The following LCT variants were observed in gnomAD, a reference collection of about 807,000 sequenced individuals.
The protein encoded by LCT is lactase/phlorizin hydrolase.
A neutral mutation model predicts 173.0 loss-of-function variants in LCT; 90 were observed. The observed-to-expected ratio is 0.52, with a 90% CI of 0.44 to 0.62. The LOEUF (loss-of-function observed/expected upper bound fraction) is 0.62. LCT is among the 20% of genes least tolerant of loss of function. The pLI is 0.00. For synonymous variants in LCT, 853 were observed against 957.6 expected (o/e 0.89, Z 2.02); for missense variants, 1,864 against 2,431.4 (o/e 0.77, Z 4.91).
rs138911236 is a variant in LCT at position 135,809,641 on chromosome 2, C to T, written c.2706G>A (p.Thr902=). 2.6e-4 allele frequency: 424 copies of T among 1,614,232 alleles called. 1 individual carries two copies. In the African/African-American group the frequency reaches 4.0e-3, roughly 15 times the overall value. Reference sequence around the variant, plus strand: ...CGCCCCACAGAAAGTCATCCCGAAACGTCCCGTGGTAGAACAAATCTCTTT... The same window carrying T: ...CGCCCCACAGAAAGTCATCCCGAAATGTCCCGTGGTAGAACAAATCTCTTT... ...KFERDLFYHG[T]FRDDFLWGVS... is the part of the protein sequence containing the mutation. Residue 902 remains threonine (T), a synonymous_variant, in exon 8 of 17, where the codon ACG becomes ACA. Coordinates refer to ENST00000264162, the MANE Select transcript of LCT (RefSeq NM_002299.4). The surrounding 1 kb of genome is among the most constrained non-coding windows in gnomAD (Gnocchi z 5.5).
chr2:135,836,448 T>C (rs1679383269), intron 1 of LCT, 82 bp downstream of exon 1: 1 of 1,258,386 alleles, frequency 7.9e-7, no homozygotes, highest in Non-Finnish European at 1.2e-6. Context: ...TTGGGAGAAA[T>C]GTCGAATCTG....
At chr2:135,816,981 A>T (rs2077785564) in intron 6 of LCT, among the ~76,000 whole-genome samples, 1 of 151,486 alleles carries the variant, frequency 6.6e-6, no homozygotes, top group African/African-American at 2.4e-5. Context: ...CGATCCTCCC[A>T]CCTCAGTCTC....
chr2:135,803,031 G>A (rs1275552465), intron 11 of LCT, among the ~76,000 whole-genome samples: 1 of 152,158 alleles, frequency 6.6e-6, no homozygotes, highest in Non-Finnish European at 1.5e-5. Context: ...AGAATTGCTT[G>A]AGCCCAGGAG....
chr2:135,823,808 C>T (rs1302120933), intron 4 of LCT, 93 bp downstream of exon 4: 2 of 839,308 alleles, frequency 2.4e-6, no homozygotes, highest in African/African-American at 1.7e-5. Flanking sequence ...CCATGCTCCT[C>T]CTCCCATTGG....
intron 11 of LCT, among the ~76,000 whole-genome samples, chr2:135,803,271 G>A (rs1280447861): frequency 6.6e-6 from 1 of 152,116 alleles, no homozygotes; most frequent in African/African-American, 2.4e-5. Flanking sequence ...ATCACACATT[G>A]TATACATGTA....
At chr2:135,805,204 G>A in intron 9 of LCT, 147 bp from the exon 10 acceptor site, 1 of 805,316 alleles carries the variant, frequency 1.2e-6, no homozygotes, top group Non-Finnish European at 2.1e-6. Context: ...CATGTGTGGT[G>A]GCTCACGCCG....
Position 135,833,166 on chromosome 2 carries a change from C to T in LCT, c.665G>A (p.Arg222Gln), listed in dbSNP as rs140497392. Reference protein sequence around the residue: ...FQGGKLSVVLRAEDIPELLLE... With the variant: ...FQGGKLSVVLQAEDIPELLLE... ...CAGGAGCTCCGGGATATCTTCAGCTCGCAGGACAACAGAGAGTTTTCCGCC... is the reference window on the plus strand; with the variant it reads ...CAGGAGCTCCGGGATATCTTCAGCTTGCAGGACAACAGAGAGTTTTCCGCC... Residue 222 changes from arginine (R) to glutamine (Q), a missense_variant, in exon 2 of 17, where the codon CGA (arginine) becomes CAA (glutamine). Around this residue, in one of 4 missense-constraint regions of LCT, gnomAD observed 412 missense variants for 462.0 expected, o/e 0.89. Transcript: ENST00000264162. 3.6e-5 allele frequency: 58 copies of T among 1,613,802 alleles called. No individual in the cohort carries two copies. Among genetic ancestry groups the T allele is most frequent in the African/African-American group, 1.2e-4 (9 of 74,856 alleles).
chr2:135,817,359 T>C lies in LCT; in HGVS notation c.1689A>G (p.Pro563=), dbSNP rs1372370922. 1 of 1,613,928 alleles carries C rather than the reference T, an allele frequency of 6.2e-7. No homozygotes were observed. Among genetic ancestry groups the C allele is most frequent in the Non-Finnish European group, 8.5e-7 (1 of 1,179,908 alleles). ...TGQHPPGISD[P]GVASFKVAHL... is the part of the protein sequence containing the mutation. ...GAAGTACCTTAAAAGAGGCCACTCCTGGGTCAGAGATGCCGGGAGGGTGCT... is the reference window on the plus strand; with the variant it reads ...GAAGTACCTTAAAAGAGGCCACTCCCGGGTCAGAGATGCCGGGAGGGTGCT... The change falls in exon 6 of 17, where the codon CCA becomes CCG. Residue 563 remains proline, a synonymous_variant. Coordinates refer to ENST00000264162, the MANE Select transcript of LCT (RefSeq NM_002299.4).
At chr2:135,801,224 A>C (rs895338033) in intron 11 of LCT, among the ~76,000 whole-genome samples, 2 of 152,184 alleles carry the variant, frequency 1.3e-5, no homozygotes, top group African/African-American at 4.8e-5. Flanking sequence ...CCCCCAATTT[A>C]AGAAATGCTT....
At chr2:135,815,421 A>C (rs944139294) in intron 6 of LCT, among the ~76,000 whole-genome samples, 1 of 152,186 alleles carries the variant, frequency 6.6e-6, no homozygotes, top group Admixed American at 6.5e-5. Flanking sequence ...CCATTTTCAG[A>C]AGGTGGGTGG....
In LCT at chr2:135,817,841, C is replaced by T. The variant is rs752611560; in HGVS notation, c.1207G>A (p.Glu403Lys). 15 of 1,613,972 alleles carry T rather than the reference C, an allele frequency of 9.3e-6. No individual in the cohort carries two copies. Among genetic ancestry groups the T allele is most frequent in the African/African-American group, 5.3e-5 (4 of 74,930 alleles). ...GAFNVEGGWAEGGRGVSIWDP... is the reference protein window; with the variant it reads ...GAFNVEGGWAKGGRGVSIWDP... ...CAGATGCTCACCCCTCTCCCACCCT[C>T]GGCCCAGCCTCCTTCCACGTTAAAG... Residue 403 changes from glutamate to lysine, a missense_variant, in exon 6 of 17, where the codon GAG (glutamate) becomes AAG (lysine). Physicochemically the swap from Glu to Lys is moderately conservative, Grantham distance 56 (BLOSUM62 1). Around this residue, in one of 4 missense-constraint regions of LCT, gnomAD observed 183 missense variants for 293.1 expected, o/e 0.62. Coordinates refer to ENST00000264162, the MANE Select transcript of LCT (RefSeq NM_002299.4).
intron 9 of LCT, among the ~76,000 whole-genome samples, chr2:135,805,905 T>C (rs990788001): frequency 6.6e-6 from 1 of 152,126 alleles, no homozygotes; most frequent in Non-Finnish European, 1.5e-5. Context: ...GGCCGGGTGC[T>C]GTGGCTCAGA....
rs371073749 is a variant in LCT, at chr2:135,816,689, A to C, written c.1707+652T>G. ...CACTGACATGAGGAACTTGATTTGG[A>C]GTCAAGAAGACTCGGACTCAAATCC... On this transcript the variant is annotated intron_variant, in intron 6 of 16. Coordinates refer to ENST00000264162, the MANE Select transcript of LCT (RefSeq NM_002299.4). Among the ~76,000 whole-genome samples the C allele has an allele frequency of 4.4e-4, 67 of 152,226 alleles. No individual in the cohort carries two copies. The South Asian group carries it at 0.014, about 32-fold the overall frequency.
intron 8 of LCT, among the ~76,000 whole-genome samples, 169 bp from the exon 9 acceptor site, chr2:135,807,565 T>C (rs2077687733): frequency 6.6e-6 from 1 of 152,174 alleles, no homozygotes; most frequent in African/African-American, 2.4e-5. Flanking sequence ...CCAGTACCTA[T>C]GACCCCACAG....
chr2:135,831,214 G>A (rs975204177), intron 2 of LCT, among the ~76,000 whole-genome samples: 2 of 152,190 alleles, frequency 1.3e-5, no homozygotes, highest in African/African-American at 4.8e-5. Flanking sequence ...GTTACTGAGC[G>A]AGGCCTCAGC....
intron 5 of LCT, among the ~76,000 whole-genome samples, chr2:135,821,295 C>T (rs956418121): frequency 6.6e-5 from 10 of 152,156 alleles, no homozygotes; most frequent in African/African-American, 2.2e-4. Context: ...AGAATGTTGT[C>T]AAGTTAGGCA....
chr2:135,831,727 T>A (rs1410436085), intron 2 of LCT, among the ~76,000 whole-genome samples: 1 of 152,106 alleles, frequency 6.6e-6, no homozygotes, highest in East Asian at 1.9e-4. Context: ...ATGGAAAATC[T>A]GAAGACCAGA....
intron 10 of LCT, among the ~76,000 whole-genome samples, 163 bp from the exon 11 acceptor site, chr2:135,804,291 C>T (rs2077650784): frequency 6.6e-6 from 1 of 152,170 alleles, no homozygotes; most frequent in African/African-American, 2.4e-5. Flanking sequence ...GGGTAAATTG[C>T]TTTCAGGGAG....
intron 2 of LCT, among the ~76,000 whole-genome samples, chr2:135,832,880 C>T (rs917558404): frequency 6.6e-6 from 1 of 152,170 alleles, no homozygotes; most frequent in South Asian, 2.1e-4. Context: ...AAAATCAGAG[C>T]CAGCAGAGGC....
Sources: allele counts gnomAD v4.1 joint callset (sites outside exome capture counted in the v4.1 genomes callset), GRCh38; gene constraint gnomAD v4.1.1; regional missense constraint gnomAD v4.1.1; non-coding constraint Gnocchi (gnomAD v3.1); transcripts MANE v1.5; gene names NCBI Gene and HGNC (gene_info 2026-07-23, HGNC 2026-07-21).